SCAPER: variants seen among roughly 807,000 people sequenced by gnomAD.
SCAPER encodes S-phase cyclin A associated protein in the ER, also known as S phase cyclin A-associated protein in the endoplasmic reticulum.
Under a neutral mutation model 182.2 loss-of-function variants are expected in SCAPER, and 98 were observed. That is an observed-to-expected ratio of 0.54 (90% CI 0.46 to 0.64). The LOEUF is 0.64. Ranked by LOEUF, SCAPER falls within the 30% of genes least tolerant of loss-of-function variation. SCAPER has a pLI of 0.00. For missense variants in SCAPER, 1,432 were observed against 1,690.0 expected, an observed-to-expected ratio of 0.85 and a Z score of 2.68; for synonymous variants, 605 against 564.6, an observed-to-expected ratio of 1.07 and a Z score of -1.01.
chr15:76,508,683 T>C (rs2041788822), intron 23 of SCAPER, among the ~76,000 whole-genome samples: 1 of 152,170 alleles, frequency 6.6e-6, no homozygotes, highest in Admixed American at 6.5e-5. Context: ...ACTGGCTGTT[T>C]GTGATTTTAA....
chr15:76,861,928 C>T (rs1396952128), intron 3 of SCAPER: 1 of 152,236 alleles, frequency 6.6e-6, no homozygotes, highest in Non-Finnish European at 1.5e-5. Context: ...CTTTACAAGG[C>T]AGCAGGAAGG....
At chr15:76,616,416 T>A (rs1007812165) in intron 22 of SCAPER, among the ~76,000 whole-genome samples, 2 of 151,836 alleles carry the variant, frequency 1.3e-5, no homozygotes, top group African/African-American at 4.8e-5. Context: ...TTACCCAGAG[T>A]AGTCAAAATC....
In SCAPER at chr15:76,819,496, C is replaced by T. The variant is rs570192898; in HGVS notation, c.394-14863G>A. ...AACAGGGTCTGGAATGGACCTCCAG[C>T]AAACTCCAACAGACCTGCAGCTGAG... On this transcript the variant is annotated intron_variant, in intron 5 of 31. Coordinates refer to ENST00000563290, the MANE Select transcript of SCAPER (RefSeq NM_020843.4). 3.3e-5 allele frequency among the ~76,000 whole-genome samples: 5 copies of T among 152,326 alleles called. No individual in the cohort carries two copies. In the South Asian group the frequency reaches 1.0e-3, roughly 32 times the overall value.
At chr15:76,490,514 G>A (rs1167657139) in intron 24 of SCAPER, among the ~76,000 whole-genome samples, 1 of 152,034 alleles carries the variant, frequency 6.6e-6, no homozygotes, top group East Asian at 1.9e-4. Flanking sequence ...TTTTTGTTGA[G>A]TTGTAAGAAT....
chr15:76,497,990 A>AT (rs2040730415), intron 24 of SCAPER, among the ~76,000 whole-genome samples: 1 of 26,388 alleles, frequency 3.8e-5, no homozygotes, highest in Non-Finnish European at 8.1e-5. Context: ...ACTCCGTCTC[A>AT]AAAAAAAAAA....
intron 25 of SCAPER, among the ~76,000 whole-genome samples, chr15:76,441,305 T>C (rs537776306): frequency 1.3e-5 from 2 of 152,264 alleles, no homozygotes; most frequent in African/African-American, 4.8e-5. Context: ...CATTACCCTT[T>C]CTAACATATT....
chr15:76,411,792 A>G (rs2045310401), intron 26 of SCAPER, among the ~76,000 whole-genome samples: 1 of 152,088 alleles, frequency 6.6e-6, no homozygotes, highest in South Asian at 2.1e-4. Flanking sequence ...GGTATCATCA[A>G]TCTTTTTTAT....
intron 24 of SCAPER, among the ~76,000 whole-genome samples, chr15:76,503,652 G>T (rs2041333616): frequency 1.3e-5 from 2 of 152,232 alleles, no homozygotes; most frequent in South Asian, 4.1e-4. Flanking sequence ...GCACCACGAG[G>T]TGAATATGAT....
At chr15:76,845,011 TA>T (rs1284208577) in intron 4 of SCAPER, among the ~76,000 whole-genome samples, 1 of 152,066 alleles carries the variant, frequency 6.6e-6, no homozygotes, top group Non-Finnish European at 1.5e-5. Context: ...AACATTACAT[TA>T]AAAAGATCAT....
intron 21 of SCAPER, among the ~76,000 whole-genome samples, chr15:76,626,424 T>C (rs1347016531): frequency 6.6e-6 from 1 of 152,210 alleles, no homozygotes; most frequent in African/African-American, 2.4e-5. Flanking sequence ...CATAAAAAGA[T>C]ACATAATTCC....
chr15:76,848,494 C>A (rs975008557), intron 4 of SCAPER, among the ~76,000 whole-genome samples: 5 of 151,774 alleles, frequency 3.3e-5, no homozygotes, highest in African/African-American at 1.2e-4. Flanking sequence ...CCACCATACC[C>A]AGTTAATTTT....
intron 24 of SCAPER, among the ~76,000 whole-genome samples, chr15:76,492,303 T>C (rs562997856): frequency 6.6e-6 from 1 of 152,346 alleles, no homozygotes; most frequent in Admixed American, 6.5e-5. Context: ...ATCAGGCATA[T>C]GTCCTAGTTC....
intron 23 of SCAPER, among the ~76,000 whole-genome samples, chr15:76,547,460 CTTTG>C (rs1256089659): frequency 1.3e-5 from 2 of 152,038 alleles, no homozygotes; most frequent in African/African-American, 4.8e-5. Flanking sequence ...TGGTATCCAA[CTTTG>C]TTTATGCTGC....
At chr15:76,713,046 G>C (rs1318505840) in intron 17 of SCAPER, among the ~76,000 whole-genome samples, 16 of 152,180 alleles carry the variant, frequency 1.1e-4, no homozygotes, top group East Asian at 5.8e-4. Context: ...TCCAGTTTTT[G>C]CCCATTCAGT....
chr15:76,409,758 T>C (rs2045143665), intron 26 of SCAPER, among the ~76,000 whole-genome samples: 1 of 152,134 alleles, frequency 6.6e-6, no homozygotes, highest in Non-Finnish European at 1.5e-5. Flanking sequence ...GTTTCAACTA[T>C]CCTCGATATG....
Position 76,795,448 on chromosome 15 carries a change from GA to G in SCAPER, c.612-9del. ...ACTGTGCCAGTTGAACCTCTATGGA[GA>G]AAAATAAACACATTTAATAAATTAA... is the stretch of plus-strand genomic sequence containing the variant. On this transcript the variant is annotated splice_polypyrimidine_tract_variant and intron_variant, in intron 7 of 31. Coordinates refer to ENST00000563290, the MANE Select transcript of SCAPER (RefSeq NM_020843.4). 6.6e-7 allele frequency: 1 copy of G among 1,520,148 alleles called. No homozygotes were observed. Among genetic ancestry groups the G allele is most frequent in the Non-Finnish European group, 8.8e-7 (1 of 1,136,836 alleles). The allele number at this position is 1,520,148 out of a possible 1,614,324, so 94.2% of individuals were successfully genotyped here.
rs2063303604 is a variant in SCAPER, at chr15:76,769,266, C to A, written c.1249-2178G>T. ...GACCAGCCTGGCTAACATGGTGAAA[C>A]CCCGTTTCTACTAAAAAATACAAAA... is the stretch of plus-strand genomic sequence containing the variant. On this transcript the variant is annotated intron_variant, in intron 10 of 31. Coordinates refer to ENST00000563290, the MANE Select transcript of SCAPER (RefSeq NM_020843.4). 2.6e-5 allele frequency among the ~76,000 whole-genome samples: 4 copies of A among 151,158 alleles called. No individual in the cohort carries two copies. In the South Asian group the frequency reaches 8.4e-4, roughly 32 times the overall value.
chr15:76,489,647 A>ACAC lies in SCAPER; in HGVS notation c.2954+15211_2954+15212insGTG, dbSNP rs1004375911. On this transcript the variant is annotated intron_variant, in intron 24 of 31. Coordinates refer to ENST00000563290, the MANE Select transcript of SCAPER (RefSeq NM_020843.4). ...AATTTTATATTTATTTTATTGTGGT[A>ACAC]AAAACACTTAATATGAGATCTACCC... 9.8e-4 allele frequency among the ~76,000 whole-genome samples: 148 copies of ACAC among 151,456 alleles called. 3 individuals are homozygous for ACAC. The highest frequency in any genetic ancestry group is 3.5e-3 in the Middle Eastern group (1 of 282).
intron 25 of SCAPER, among the ~76,000 whole-genome samples, chr15:76,439,957 T>C (rs1234602053): frequency 6.6e-6 from 1 of 152,172 alleles, no homozygotes; most frequent in African/African-American, 2.4e-5. Context: ...TACACTAGAG[T>C]GGTCATTATC....
Sources: gnomAD v4.1 joint callset for allele counts (sites outside exome capture counted in the v4.1 genomes callset) on GRCh38, gnomAD v4.1.1 for gene constraint, MANE v1.5 for transcripts, NCBI Gene and HGNC (gene_info 2026-07-23, HGNC 2026-07-21) for gene names.